ROCK2: variants seen among roughly 807,000 people sequenced by gnomAD.
ROCK2 encodes Rho associated coiled-coil containing protein kinase 2.
ROCK2 carries 61 observed loss-of-function variants against 195.1 expected under a neutral mutation model. The ratio of observed to expected loss-of-function variants is 0.31; its 90% CI spans 0.25 to 0.39. The LOEUF (loss-of-function observed/expected upper bound fraction) is 0.39. ROCK2 is among the 10% of genes least tolerant of loss of function. ROCK2 has a pLI of 1.00. For missense variants in ROCK2, 1,109 were observed against 1,637.4 expected, an observed-to-expected ratio of 0.68 and a Z score of 5.57; for synonymous variants, 504 against 545.5, an observed-to-expected ratio of 0.92 and a Z score of 1.06.
At chr2:11,338,512 T>TA (rs1485259173) in intron 1 of ROCK2, among the ~76,000 whole-genome samples, 5 of 152,138 alleles carry the variant, frequency 3.3e-5, no homozygotes, top group Non-Finnish European at 7.4e-5. Flanking sequence ...AGAGATGACT[T>TA]AAAGTATATG....
At chr2:11,301,533 T>C (rs1572382452) in intron 1 of ROCK2, among the ~76,000 whole-genome samples, 2 of 152,144 alleles carry the variant, frequency 1.3e-5, no homozygotes, top group African/African-American at 4.8e-5. Context: ...TCCCAGCACT[T>C]TGGGAGGCTG....
chr2:11,284,366 C>T (rs1667114460), intron 3 of ROCK2, among the ~76,000 whole-genome samples: 1 of 152,096 alleles, frequency 6.6e-6, no homozygotes. Context: ...ATGTACACCA[C>T]CATGAGCAAG....
intron 3 of ROCK2, among the ~76,000 whole-genome samples, chr2:11,267,519 A>G (rs1235471787): frequency 1.3e-5 from 2 of 151,604 alleles, no homozygotes; most frequent in East Asian, 3.9e-4. Context: ...AAAAAAAAAA[A>G]CCAAAAACCA....
chr2:11,212,164 G>A (rs764568648), intron 17 of ROCK2, among the ~76,000 whole-genome samples: 5 of 152,072 alleles, frequency 3.3e-5, no homozygotes, highest in South Asian at 2.1e-4. Context: ...TGATCCTCCC[G>A]ACTCAGCCTC....
chr2:11,310,555 T>C (rs943429040), intron 1 of ROCK2, among the ~76,000 whole-genome samples: 47 of 152,166 alleles, frequency 3.1e-4, no homozygotes, highest in African/African-American at 1.1e-3. Context: ...GGTTACCAAA[T>C]GGCAAACAAA....
chr2:11,332,046 G>A (rs1572420082), intron 1 of ROCK2, among the ~76,000 whole-genome samples: 1 of 152,154 alleles, frequency 6.6e-6, no homozygotes, highest in African/African-American at 2.4e-5. Context: ...GGGAGGCTGA[G>A]GTAGGAGGAC....
At chr2:11,183,485 T>G in intron 32 of ROCK2, 45 bp from the exon 33 acceptor site, 1 of 1,409,210 alleles carries the variant, frequency 7.1e-7, no homozygotes, top group Non-Finnish European at 9.9e-7. Flanking sequence ...AGTGAAATAA[T>G]TTAAGAGTGT....
At chr2:11,209,150 T>C (rs1051592217) in intron 18 of ROCK2, among the ~76,000 whole-genome samples, 3 of 152,344 alleles carry the variant, frequency 2.0e-5, no homozygotes, top group East Asian at 1.9e-4. Context: ...ATGATCTCCA[T>C]AGGACTTTCC....
At chr2:11,210,654 A>G (rs1231695328) in intron 18 of ROCK2, among the ~76,000 whole-genome samples, 2 of 152,094 alleles carry the variant, frequency 1.3e-5, no homozygotes, top group African/African-American at 4.8e-5. Flanking sequence ...TATATTCTTT[A>G]TCTTGTTTTG....
At chr2:11,222,532 CAGAGA>C (rs1664671717) in intron 7 of ROCK2, among the ~76,000 whole-genome samples, 1 of 152,090 alleles carries the variant, frequency 6.6e-6, no homozygotes, top group Non-Finnish European at 1.5e-5. Flanking sequence ...TAACTTTCGG[CAGAGA>C]AGAGTTATTC....
At chr2:11,317,840 T>C (rs908202720) in intron 1 of ROCK2, among the ~76,000 whole-genome samples, 3 of 150,808 alleles carry the variant, frequency 2.0e-5, no homozygotes, top group African/African-American at 2.4e-5. Context: ...TGTTCAATTC[T>C]CACCTACGAG....
intron 1 of ROCK2, among the ~76,000 whole-genome samples, chr2:11,340,538 T>C (rs1236537056): frequency 2.6e-5 from 4 of 152,154 alleles, no homozygotes; most frequent in African/African-American, 4.8e-5. Context: ...TTTTACACTA[T>C]AAATGCCAAA....
chr2:11,219,861 CTTT>C (rs11437412), intron 9 of ROCK2, among the ~76,000 whole-genome samples: 2 of 134,730 alleles, frequency 1.5e-5, no homozygotes, highest in Admixed American at 7.4e-5. Flanking sequence ...CCAAAACTCA[CTTT>C]TTTTTTTTTT....
In ROCK2 at chr2:11,298,231, A is replaced by T. The variant is rs867126184; in HGVS notation, c.142-10495T>A. Among the ~76,000 whole-genome samples, 6 of 152,272 alleles carry T rather than the reference A, an allele frequency of 3.9e-5. No individual in the cohort carries two copies. The Middle Eastern group carries it at 0.014, about 348-fold the overall frequency. On this transcript the variant is annotated intron_variant, in intron 1 of 32. Transcript: ENST00000315872. ...TGGCCTGTAATCCCAACACTTTGGG[A>T]GGCCGTGGCAGGCAAATTACCTGAG... is the stretch of plus-strand genomic sequence containing the variant.
intron 1 of ROCK2, among the ~76,000 whole-genome samples, chr2:11,295,461 T>G (rs745324637): frequency 6.6e-6 from 1 of 152,008 alleles, no homozygotes; most frequent in East Asian, 1.9e-4. Context: ...AACACATACA[T>G]GCAAGAAAAA....
intron 20 of ROCK2, among the ~76,000 whole-genome samples, chr2:11,206,927 C>A (rs556869974): frequency 1.3e-5 from 2 of 152,342 alleles, no homozygotes; most frequent in Non-Finnish European, 2.9e-5. Context: ...ATTCACAACT[C>A]AGTCTGTCTG....
intron 3 of ROCK2, among the ~76,000 whole-genome samples, chr2:11,275,206 G>A (rs1385026619): frequency 4.0e-5 from 6 of 151,144 alleles, no homozygotes; most frequent in African/African-American, 9.8e-5. Flanking sequence ...GCAGTGAGCC[G>A]TAATCGTGCC....
chr2:11,258,216 T>C (rs1470568646), intron 3 of ROCK2, among the ~76,000 whole-genome samples: 4 of 151,412 alleles, frequency 2.6e-5, no homozygotes, highest in Non-Finnish European at 2.9e-5. Flanking sequence ...AATGACGACA[T>C]GGTGAATGCA....
Position 11,208,319 on chromosome 2 carries a change from G to C in ROCK2, c.2332C>G (p.Leu778Val). Residue 778 changes from leucine to valine, a missense_variant, in exon 19 of 33, where the codon CTC becomes GTC. Leu to Val is a conservative substitution (Grantham distance 32). Coordinates refer to ENST00000315872, the MANE Select transcript of ROCK2 (RefSeq NM_004850.5). Reference protein sequence around the residue: ...LKQSQQKINELLKQKDVLNED... With the variant: ...LKQSQQKINEVLKQKDVLNED... ...TTTAGCACATCTTTCTGTTTAAGGA[G>C]CTCATTTATTTTCTGCTGTGACTGT... is the stretch of plus-strand genomic sequence containing the variant. 6.7e-7 allele frequency: 1 copy of C among 1,486,044 alleles called. No homozygotes were observed. Among genetic ancestry groups the C allele is most frequent in the Non-Finnish European group, 9.0e-7 (1 of 1,105,134 alleles). 92.1% of individuals were successfully genotyped at this position (1,486,044 alleles called of 1,614,324 possible). A position where few individuals can be genotyped will look rare whatever the true frequency, so the allele number is the denominator to read the frequency against.
Sources: gnomAD v4.1 joint callset for allele counts (sites outside exome capture counted in the v4.1 genomes callset) on GRCh38, gnomAD v4.1.1 for gene constraint, MANE v1.5 for transcripts, NCBI Gene and HGNC (gene_info 2026-07-23, HGNC 2026-07-21) for gene names.